The following SCYL2 variants were observed in gnomAD, a reference collection of about 807,000 sequenced individuals.
SCYL2 encodes the protein SCY1-like protein 2.
In SCYL2, 36 loss-of-function variants were observed where a neutral mutation model predicts 100.4. That is an observed-to-expected ratio of 0.36 (90% CI 0.27 to 0.47). SCYL2 has a LOEUF of 0.47. Among genes scored for constraint, SCYL2 ranks in the 20% least tolerant of loss-of-function variants. The pLI is 1.00. For synonymous variants in SCYL2, 330 were observed against 359.2 expected, an observed-to-expected ratio of 0.92 and a Z score of 0.92; for missense variants, 902 against 1,083.9, an observed-to-expected ratio of 0.83 and a Z score of 2.36.
intron 1 of SCYL2, among the ~76,000 whole-genome samples, chr12:100,272,707 G>T (rs1307296261): frequency 1.3e-5 from 2 of 151,924 alleles, no homozygotes; most frequent in Non-Finnish European, 2.9e-5. Context: ...GTGAAATTGG[G>T]GGTGGGGTAG....
intron 1 of SCYL2, among the ~76,000 whole-genome samples, chr12:100,268,982 C>T (rs1173459775): frequency 6.6e-6 from 1 of 152,232 alleles, no homozygotes; most frequent in Non-Finnish European, 1.5e-5. Flanking sequence ...CCACCACCAT[C>T]TCTCATCCTG....
intron 10 of SCYL2, among the ~76,000 whole-genome samples, chr12:100,322,372 CAAAA>C (rs34959294): frequency 6.5e-5 from 4 of 61,826 alleles, no homozygotes; most frequent in South Asian, 6.8e-4. Flanking sequence ...GACTCCGTCT[CAAAA>C]AAAAAAAAAA....
At chr12:100,292,564 C>A (rs764544200) in intron 3 of SCYL2, among the ~76,000 whole-genome samples, 2 of 152,174 alleles carry the variant, frequency 1.3e-5, no homozygotes, top group Non-Finnish European at 2.9e-5. Flanking sequence ...TTTCTACCAT[C>A]TCACCCTTCA....
intron 17 of SCYL2, 79 bp downstream of exon 17, chr12:100,337,585 T>G (rs1952295257): frequency 7.6e-7 from 1 of 1,316,802 alleles, no homozygotes; most frequent in South Asian, 1.2e-5. Flanking sequence ...AGTCTACTAG[T>G]ATTTGTATAA....
chr12:100,277,388 A>G (rs2096293670), intron 1 of SCYL2, among the ~76,000 whole-genome samples: 1 of 152,022 alleles, frequency 6.6e-6, no homozygotes, highest in East Asian at 1.9e-4. Context: ...GAATTTGTCT[A>G]TTTCTTCTGT....
intron 7 of SCYL2, among the ~76,000 whole-genome samples, chr12:100,313,943 C>G (rs953901213): frequency 6.7e-6 from 1 of 149,250 alleles, no homozygotes. Context: ...TGTAGTGGCA[C>G]GATCTCCACT....
intron 2 of SCYL2, among the ~76,000 whole-genome samples, chr12:100,284,068 C>T (rs922595958): frequency 2.0e-5 from 3 of 152,154 alleles, no homozygotes; most frequent in Non-Finnish European, 4.4e-5. Flanking sequence ...AATGAACAAC[C>T]TCCTCTGATT....
At chr12:100,320,725 A>G (rs10860579) in intron 10 of SCYL2, among the ~76,000 whole-genome samples, 21,343 of 152,038 alleles carry the variant, frequency 0.14, 1,757 homozygotes, top group Non-Finnish European at 0.18. Flanking sequence ...GGCACTTTCC[A>G]GTCGCTTTTT....
chr12:100,306,494 G>C (rs2096334572), intron 4 of SCYL2, among the ~76,000 whole-genome samples: 1 of 152,122 alleles, frequency 6.6e-6, no homozygotes, highest in Non-Finnish European at 1.5e-5. Flanking sequence ...GGTTTTGATA[G>C]AACATATCTC....
intron 9 of SCYL2, among the ~76,000 whole-genome samples, chr12:100,316,873 A>G (rs1280481696): frequency 6.6e-6 from 1 of 152,200 alleles, no homozygotes; most frequent in Non-Finnish European, 1.5e-5. Flanking sequence ...GTGTCAAAGC[A>G]GGCAGATTGC....
At chr12:100,289,624 G>C (rs1377192742) in intron 2 of SCYL2, among the ~76,000 whole-genome samples, 4 of 152,172 alleles carry the variant, frequency 2.6e-5, no homozygotes, top group Non-Finnish European at 1.5e-5. Flanking sequence ...GCTGTAGAGT[G>C]TATTATATTT....
chr12:100,295,673 TGAGAGGGAGACCGTGGAAACAGAGG>T (rs1181206215), intron 3 of SCYL2, among the ~76,000 whole-genome samples: 418 of 151,284 alleles, frequency 2.8e-3, no homozygotes, highest in African/African-American at 9.0e-3. Flanking sequence ...CGGCTGGGCA[TGAGAGGGAGACCGTGGAAACAGAGG>T]GAGAGGGAGA....
At chr12:100,294,982 G>GAT (rs2096317260) in intron 3 of SCYL2, among the ~76,000 whole-genome samples, 1 of 151,518 alleles carries the variant, frequency 6.6e-6, no homozygotes, top group Non-Finnish European at 1.5e-5. Context: ...CTTCTCAGAC[G>GAT]GGGTGGCCGG....
At chr12:100,336,325 T>A (rs1952276355) in intron 16 of SCYL2, among the ~76,000 whole-genome samples, 1 of 152,090 alleles carries the variant, frequency 6.6e-6, no homozygotes, top group Admixed American at 6.6e-5. Flanking sequence ...CTCACTACAT[T>A]CCCAACAGTT....
intron 4 of SCYL2, among the ~76,000 whole-genome samples, chr12:100,309,854 T>C (rs2096339984): frequency 6.6e-6 from 1 of 152,210 alleles, no homozygotes; most frequent in African/African-American, 2.4e-5. Context: ...TTATACTGTT[T>C]TACATAGCAC....
intron 13 of SCYL2, among the ~76,000 whole-genome samples, chr12:100,331,664 G>T (rs1425867408): frequency 1.3e-5 from 2 of 151,882 alleles, no homozygotes; most frequent in African/African-American, 4.8e-5. Flanking sequence ...TTTTTTTGGG[G>T]TGGGGGGAGT....
intron 4 of SCYL2, among the ~76,000 whole-genome samples, chr12:100,301,055 G>A (rs2096326971): frequency 6.6e-6 from 1 of 152,148 alleles, no homozygotes; most frequent in African/African-American, 2.4e-5. Context: ...TCAAATTTTA[G>A]TTTTTTGAAG....
rs772756195 is a variant in SCYL2, at chr12:100,314,506, T to C, written c.987T>C (p.Asp329=). The change falls in exon 8 of 18, where the codon GAT becomes GAC. Residue 329 remains aspartate (D), a synonymous_variant. Coordinates refer to ENST00000360820, the MANE Select transcript of SCYL2 (RefSeq NM_017988.6). ...DQMTKIPFFD[D]VGAVTLQYFD... The stretch of plus-strand genomic sequence containing the variant: ...TTTTTTAGATTCCCTTCTTTGATGA[T>C]GTTGGTGCAGTAACACTGCAATATT... The C allele has an allele frequency of 1.3e-6, 2 of 1,581,166 alleles. No individual in the cohort carries two copies. Among genetic ancestry groups the C allele is most frequent in the African/African-American group, 2.7e-5 (2 of 73,614 alleles).
rs763626497 is a variant in SCYL2, at chr12:100,312,657, T to C, written c.852+4T>C. The stretch of plus-strand genomic sequence containing the variant: ...TTTCAGTAGGCAGTTGGATCAGGTA[T>C]TTGCCTATAAATAATTTGCTTGCAT... On this transcript the variant is annotated splice_donor_region_variant and intron_variant, in intron 6 of 17. Transcript: ENST00000360820. 3.1e-6 allele frequency: 5 copies of C among 1,593,518 alleles called. No homozygotes were observed. Among genetic ancestry groups the C allele is most frequent in the Non-Finnish European group, 4.3e-6 (5 of 1,169,516 alleles).
Sources: gnomAD v4.1 joint callset for allele counts (sites outside exome capture counted in the v4.1 genomes callset) on GRCh38, gnomAD v4.1.1 for gene constraint, MANE v1.5 for transcripts, NCBI Gene and HGNC (gene_info 2026-07-23, HGNC 2026-07-21) for gene names.